ASIC2: variants seen among roughly 807,000 people sequenced by gnomAD.
ASIC2 encodes the protein acid sensing ion channel subunit 2.
In ASIC2, 25 loss-of-function variants were observed where a neutral mutation model predicts 57.3. The ratio of observed to expected loss-of-function variants is 0.44; its 90% CI spans 0.32 to 0.61. The LOEUF is 0.61. ASIC2 is among the 20% of genes least tolerant of loss of function. The pLI is 0.06. For missense variants in ASIC2, 641 were observed against 738.1 expected, an observed-to-expected ratio of 0.87 and a Z score of 1.52; for synonymous variants, 319 against 307.5, an observed-to-expected ratio of 1.04 and a Z score of -0.39.
chr17:33,907,812 T>A (rs1164523207), intron 1 of ASIC2, among the ~76,000 whole-genome samples: 1 of 152,250 alleles, frequency 6.6e-6, no homozygotes, highest in Non-Finnish European at 1.5e-5. Flanking sequence ...AATTCTGTAC[T>A]GTCTTTAATT....
chr17:34,149,933 C>A (rs144972359), intron 1 of ASIC2, among the ~76,000 whole-genome samples: 63 of 152,254 alleles, frequency 4.1e-4, no homozygotes, highest in African/African-American at 1.5e-3. Context: ...AGAGATTCTG[C>A]CCTCCCATGT....
At chr17:33,495,569 A>G (rs533774302) in intron 1 of ASIC2, among the ~76,000 whole-genome samples, 3 of 152,020 alleles carry the variant, frequency 2.0e-5, no homozygotes, top group Non-Finnish European at 2.9e-5. Context: ...CCTGTTTCCT[A>G]TTGAGTTGGG....
intron 1 of ASIC2, among the ~76,000 whole-genome samples, chr17:34,151,335 G>A (rs1904518639): frequency 6.6e-6 from 1 of 152,192 alleles, no homozygotes; most frequent in African/African-American, 2.4e-5. Context: ...GGTGGGAAAT[G>A]GGCTGGGAGT....
chr17:33,876,178 C>T (rs141395517), intron 1 of ASIC2, among the ~76,000 whole-genome samples: 32 of 152,200 alleles, frequency 2.1e-4, no homozygotes, highest in African/African-American at 3.1e-4. Context: ...AACGGGACTA[C>T]GGTTATGGCC....
At chr17:33,148,876 C>G (rs1016442874) in intron 1 of ASIC2, among the ~76,000 whole-genome samples, 1 of 152,142 alleles carries the variant, frequency 6.6e-6, no homozygotes, top group Non-Finnish European at 1.5e-5. Flanking sequence ...GGCGGATCAT[C>G]TGAGGTCAGG....
intron 1 of ASIC2, among the ~76,000 whole-genome samples, chr17:34,094,321 C>T (rs78912047): frequency 0.025 from 3,853 of 152,282 alleles, 158 homozygotes; most frequent in African/African-American, 0.077. Context: ...GTGTCCACTA[C>T]AGCCCATGAC....
chr17:33,111,792 T>C, intron 2 of ASIC2, 125 bp downstream of exon 2: 1 of 1,351,978 alleles, frequency 7.4e-7, no homozygotes, highest in Non-Finnish European at 9.9e-7. Flanking sequence ...TCTAGCAGCA[T>C]GTCACAAACC....
intron 1 of ASIC2, among the ~76,000 whole-genome samples, chr17:33,114,881 CT>C (rs1190163312): frequency 6.6e-6 from 1 of 152,216 alleles, no homozygotes; most frequent in African/African-American, 2.4e-5. Flanking sequence ...AGTTTTTCCA[CT>C]TACAAAAAGA....
intron 1 of ASIC2, among the ~76,000 whole-genome samples, chr17:33,165,727 C>T (rs1210555616): frequency 6.6e-6 from 1 of 152,094 alleles, no homozygotes; most frequent in Non-Finnish European, 1.5e-5. Flanking sequence ...TAATTTGGTT[C>T]CCCTGCTAAC....
intron 1 of ASIC2, among the ~76,000 whole-genome samples, chr17:33,446,506 C>T (rs772073828): frequency 2.0e-4 from 30 of 152,266 alleles, no homozygotes; most frequent in Non-Finnish European, 3.7e-4. Flanking sequence ...TCAACTACCA[C>T]GCTGAAAGCA....
At chr17:33,243,582 C>T (rs319753) in intron 1 of ASIC2, among the ~76,000 whole-genome samples, 106,704 of 151,922 alleles carry the variant, frequency 0.7, 37,889 homozygotes, top group Middle Eastern at 0.81. Context: ...GTTTCGCCAT[C>T]AGTAATTGTG....
chr17:33,076,993 T>A (rs2092091377), intron 3 of ASIC2, among the ~76,000 whole-genome samples: 1 of 152,190 alleles, frequency 6.6e-6, no homozygotes, highest in Non-Finnish European at 1.5e-5. Flanking sequence ...TTTTATTTTA[T>A]GGATGTGTTG....
At chr17:33,520,354 T>TA (rs554334527) in intron 1 of ASIC2, among the ~76,000 whole-genome samples, 82 of 152,312 alleles carry the variant, frequency 5.4e-4, no homozygotes, top group Middle Eastern at 6.8e-3. Context: ...CTGCAGAACA[T>TA]ACGCTCTTTG....
At chr17:33,025,259 C>T (rs1362141076) in intron 5 of ASIC2, among the ~76,000 whole-genome samples, 4 of 152,174 alleles carry the variant, frequency 2.6e-5, no homozygotes, top group African/African-American at 9.7e-5. Context: ...GCAGAGTGGG[C>T]CTAGCTTTGG....
At chr17:34,017,459 AAAG>A (rs1484356409) in intron 1 of ASIC2, among the ~76,000 whole-genome samples, 1 of 152,236 alleles carries the variant, frequency 6.6e-6, no homozygotes, top group Non-Finnish European at 1.5e-5. Flanking sequence ...ATTCAAGTGA[AAAG>A]AAGAGCAACA....
intron 1 of ASIC2, among the ~76,000 whole-genome samples, chr17:34,072,946 G>C (rs1390767630): frequency 2.0e-5 from 3 of 152,126 alleles, no homozygotes; most frequent in Admixed American, 1.3e-4. Flanking sequence ...ATTTCAAAGA[G>C]AGGTCAGCGT....
At chr17:33,054,526 A>AT (rs1169584407) in intron 3 of ASIC2, among the ~76,000 whole-genome samples, 1 of 152,146 alleles carries the variant, frequency 6.6e-6, no homozygotes, top group Non-Finnish European at 1.5e-5. Flanking sequence ...CAATACTCAG[A>AT]GTTTTTCCTG....
chr17:33,640,218 A>C (rs1248244964), intron 1 of ASIC2, among the ~76,000 whole-genome samples: 1 of 152,084 alleles, frequency 6.6e-6, no homozygotes, highest in Admixed American at 6.5e-5. Context: ...AAAGAGAGAG[A>C]GGAGAGAGAA....
At chr17:33,868,462 T>C (rs905224795) in intron 1 of ASIC2, among the ~76,000 whole-genome samples, 2 of 151,410 alleles carry the variant, frequency 1.3e-5, no homozygotes, top group Non-Finnish European at 2.9e-5. Context: ...GCAAAATGGA[T>C]CATAGATTTA....
Sources: gnomAD v4.1 joint callset for allele counts (sites outside exome capture counted in the v4.1 genomes callset) on GRCh38, gnomAD v4.1.1 for gene constraint, MANE v1.5 for transcripts, NCBI Gene and HGNC (gene_info 2026-07-23, HGNC 2026-07-21) for gene names.